ERC1: variants seen among roughly 807,000 people sequenced by gnomAD.
ERC1 encodes the protein RAB6 interacting protein 2.
A neutral mutation model predicts 132.0 loss-of-function variants in ERC1; 56 were observed. That is an observed-to-expected ratio of 0.42 (90% CI 0.34 to 0.53). The LOEUF (loss-of-function observed/expected upper bound fraction) is 0.53, where lower values mean the gene tolerates loss of function less well. Ranked by LOEUF, ERC1 falls within the 20% of genes least tolerant of loss-of-function variation. The pLI, the probability that ERC1 is intolerant of heterozygous loss-of-function variation, is 0.03. For missense variants in ERC1, 1,202 were observed against 1,349.9 expected (o/e 0.89, Z 1.72); for synonymous variants, 478 against 476.1 (o/e 1.00, Z -0.05).
chr12:1,061,989 C>CTTTTTTTTTTTT (rs896825718), intron 2 of ERC1, among the ~76,000 whole-genome samples: 1 of 117,384 alleles, frequency 8.5e-6, no homozygotes, highest in Non-Finnish European at 1.7e-5. Context: ...TTCTTTTCTT[C>CTTTTTTTTTTTT]TTTTTTTTTT....
intron 8 of ERC1, among the ~76,000 whole-genome samples, chr12:1,178,596 C>A (rs1954007889): frequency 2.0e-5 from 3 of 151,978 alleles, no homozygotes; most frequent in Admixed American, 2.0e-4. Context: ...TACTGGGGTA[C>A]AGACAATGAT....
intron 13 of ERC1, among the ~76,000 whole-genome samples, chr12:1,240,769 T>A (rs1316940863): frequency 6.6e-6 from 1 of 152,118 alleles, no homozygotes; most frequent in East Asian, 1.9e-4. Flanking sequence ...ATCCATAATA[T>A]ATATTTGTTT....
At chr12:1,028,642 C>A in intron 2 of ERC1, 70 bp downstream of exon 2, 2 of 1,281,110 alleles carry the variant, frequency 1.6e-6, no homozygotes, top group South Asian at 1.5e-5. Context: ...TTTTTTTCCC[C>A]TTTCCTAGAT....
At chr12:1,396,547 G>A (rs2090559986) in intron 16 of ERC1, among the ~76,000 whole-genome samples, 1 of 152,178 alleles carries the variant, frequency 6.6e-6, no homozygotes, top group Non-Finnish European at 1.5e-5. Context: ...CAGATGATTA[G>A]AATCTGTTTC....
intron 15 of ERC1, among the ~76,000 whole-genome samples, chr12:1,332,907 G>A (rs749362725): frequency 5.3e-5 from 8 of 152,082 alleles, no homozygotes; most frequent in Non-Finnish European, 1.2e-4. Context: ...TTAAGTACAG[G>A]GGTACATGTG....
chr12:1,409,908 C>T (rs866737449), intron 17 of ERC1, among the ~76,000 whole-genome samples: 5 of 151,962 alleles, frequency 3.3e-5, no homozygotes, highest in Non-Finnish European at 5.9e-5. Context: ...AGGGTTTCAC[C>T]GTGTTGGCCA....
At chr12:1,170,970 T>C (rs1198593089) in intron 8 of ERC1, among the ~76,000 whole-genome samples, 2 of 152,234 alleles carry the variant, frequency 1.3e-5, no homozygotes, top group African/African-American at 4.8e-5. Flanking sequence ...AGAAGAATAT[T>C]GTTATATTTT....
Position 1,491,263 on chromosome 12 carries a change from G to A in ERC1, c.*1033G>A, listed in dbSNP as rs2094316056. On this transcript the variant is annotated 3_prime_UTR_variant, in exon 19 of 19. Transcript: ENST00000360905. The stretch of plus-strand genomic sequence containing the variant: ...CTGCAGCCCAGTGGCTGCTGAAGTT[G>A]TGATCCCTCACTCACCCTGCTAGCT... 2 of 231,110 alleles carry A rather than the reference G, an allele frequency of 8.7e-6. No individual in the cohort carries two copies. Among genetic ancestry groups the A allele is most frequent in the South Asian group, 3.6e-4 (2 of 5,520 alleles). The allele number at this position is 231,110 out of a possible 1,614,324, so 14.3% of individuals were successfully genotyped here. A position where few individuals can be genotyped will look rare whatever the true frequency, so the allele number is the denominator to read the frequency against.
At position 1,493,544 on chromosome 12, in the gene ERC1, AAAAAATATATATATATATATAT is replaced by A. The variant is rs1284736630; in HGVS notation, c.*3316_*3337del. The stretch of plus-strand genomic sequence containing the variant: ...AGAGACTCCATTTAAAAAAAAAAAA[AAAAAATATATATATATATATAT>A]ATATATATATATGGATGGGAATCAC... On this transcript the variant is annotated 3_prime_UTR_variant, in exon 19 of 19. Coordinates refer to ENST00000360905, the MANE Select transcript of ERC1 (RefSeq NM_178040.4). The A allele has an allele frequency of 2.7e-4, 6 of 22,528 alleles. 1 individual carries two copies. Among genetic ancestry groups the A allele is most frequent in the South Asian group, 2.5e-3 (1 of 404 alleles). The allele number at this position is 22,528 out of a possible 1,614,324, so 1.4% of individuals were successfully genotyped here.
At chr12:1,263,667 A>G (rs2077282111) in intron 14 of ERC1, among the ~76,000 whole-genome samples, 1 of 151,778 alleles carries the variant, frequency 6.6e-6, no homozygotes, top group Non-Finnish European at 1.5e-5. Context: ...AAAAACATGA[A>G]CGTTTCTCTT....
At chr12:1,210,881 G>C (rs1243174081) in intron 12 of ERC1, among the ~76,000 whole-genome samples, 1 of 151,902 alleles carries the variant, frequency 6.6e-6, no homozygotes, top group African/African-American at 2.4e-5. Flanking sequence ...TGTAGTCCCA[G>C]CTACTCAGGA....
At chr12:1,330,540 C>T (rs1356165494) in intron 15 of ERC1, among the ~76,000 whole-genome samples, 1 of 152,048 alleles carries the variant, frequency 6.6e-6, no homozygotes, top group Non-Finnish European at 1.5e-5. Flanking sequence ...ATCATCTTCC[C>T]ACAGGCTCTC....
chr12:1,481,531 A>G (rs1045119724), intron 18 of ERC1, among the ~76,000 whole-genome samples: 21 of 152,242 alleles, frequency 1.4e-4, no homozygotes, highest in Non-Finnish European at 2.4e-4. Flanking sequence ...TCAAGCGCCA[A>G]TGAAATCTGT....
intron 12 of ERC1, among the ~76,000 whole-genome samples, chr12:1,207,420 T>A (rs545228339): frequency 6.6e-6 from 1 of 152,344 alleles, no homozygotes; most frequent in South Asian, 2.1e-4. Context: ...TGATCGTTAT[T>A]ATTTGCATTT....
chr12:1,074,553 C>T (rs1025865542), intron 2 of ERC1, among the ~76,000 whole-genome samples: 1 of 151,956 alleles, frequency 6.6e-6, no homozygotes, highest in Admixed American at 6.6e-5. Flanking sequence ...ACTTTGGCCT[C>T]CCAGAGTGCT....
chr12:1,307,502 C>G (rs1219553581), intron 15 of ERC1, among the ~76,000 whole-genome samples: 1 of 152,212 alleles, frequency 6.6e-6, no homozygotes, highest in African/African-American at 2.4e-5. Flanking sequence ...GTTGCAGCTG[C>G]TTGTCCTACT....
chr12:1,173,104 G>A (rs1254770532), intron 8 of ERC1, among the ~76,000 whole-genome samples: 1 of 152,014 alleles, frequency 6.6e-6, no homozygotes, highest in African/African-American at 2.4e-5. Flanking sequence ...TCGTAGCAAT[G>A]GTATACTATA....
chr12:1,196,841 TCTGTCTGTCTCTCTCTCA>T (rs1414794998), intron 12 of ERC1, among the ~76,000 whole-genome samples: 94 of 130,534 alleles, frequency 7.2e-4, no homozygotes, highest in Non-Finnish European at 8.7e-4. Flanking sequence ...TGTCTGTCTC[TCTGTCTGTCTCTCTCTCA>T]CTCTCTCTCT....
intron 4 of ERC1, among the ~76,000 whole-genome samples, chr12:1,107,079 T>A (rs1044511125): frequency 6.6e-6 from 1 of 152,210 alleles, no homozygotes; most frequent in African/African-American, 2.4e-5. Context: ...TTCTTTGCCC[T>A]CTCCTCTTTC....
Sources: allele counts gnomAD v4.1 joint callset (sites outside exome capture counted in the v4.1 genomes callset), GRCh38; gene constraint gnomAD v4.1.1; transcripts MANE v1.5; gene names NCBI Gene and HGNC (gene_info 2026-07-23, HGNC 2026-07-21).